Variants in ZC2HC1B observed in about 807,000 individuals in gnomAD.
ZC2HC1B encodes zinc finger C2HC-type containing 1B.
A neutral mutation model predicts 31.0 loss-of-function variants in ZC2HC1B; 36 were observed. The ratio of observed to expected loss-of-function variants is 1.16; its 90% CI spans 0.89 to 1.54. The LOEUF is 1.54. ZC2HC1B is among the 40% of genes most tolerant of loss of function. The probability of loss-of-function intolerance (pLI) is 0.00; values close to 1 mark genes in which losing one functional copy is unlikely to be tolerated. For synonymous variants in ZC2HC1B, 73 were observed against 88.0 expected (o/e 0.83, Z 0.95); for missense variants, 260 against 268.6 (o/e 0.97, Z 0.22).
rs369327466 is a variant in ZC2HC1B, at chr6:143,871,685, C to T, written c.28+7118C>T. On this transcript the variant is annotated intron_variant, in intron 1 of 7. Transcript: ENST00000237275. This position sits in a 1 kb window ranked among gnomAD's most constrained non-coding sequence, Gnocchi z 4.1. ...TCAAGTCCTTGATGGTGGTACTAAT[C>T]GCCACAGTCTCTGCAGGGATGTGAT... Among the ~76,000 whole-genome samples the T allele has an allele frequency of 5.3e-5, 8 of 152,320 alleles. No homozygotes were observed. The highest frequency in any genetic ancestry group is 3.9e-4 in the East Asian group (2 of 5,188).
Position 143,886,023 on chromosome 6 carries a change from G to A in ZC2HC1B, c.91-9G>A, listed in dbSNP as rs547049634. On this transcript the variant is annotated splice_polypyrimidine_tract_variant and intron_variant, in intron 2 of 7. Coordinates refer to ENST00000237275, the MANE Select transcript of ZC2HC1B (RefSeq NM_001013623.3). This position sits in a 1 kb window ranked among gnomAD's most constrained non-coding sequence, Gnocchi z 4.2. ...TTAGAAATTCCAATCCCTACTCTTC[G>A]TTTTCTAGGAAAGGCATGGACCAAT... 9.2e-6 allele frequency: 14 copies of A among 1,516,880 alleles called. No homozygotes were observed. Among genetic ancestry groups the A allele is most frequent in the Admixed American group, 2.4e-5 (1 of 42,424 alleles). The allele number at this position is 1,516,880 out of a possible 1,614,324, so 94.0% of individuals were successfully genotyped here. A position where few individuals can be genotyped will look rare whatever the true frequency, so the allele number is the denominator to read the frequency against.
rs999491333 is a variant in ZC2HC1B at position 143,875,655 on chromosome 6, C to T, written c.29-8649C>T. On this transcript the variant is annotated intron_variant, in intron 1 of 7. Transcript: ENST00000237275. ...AAAACAATTCTTTTCGAGTGTATCGCACCTCCTCATGGGTCACATTCTCAA... is the reference window on the plus strand; with the variant it reads ...AAAACAATTCTTTTCGAGTGTATCGTACCTCCTCATGGGTCACATTCTCAA... 7.3e-5 allele frequency among the ~76,000 whole-genome samples: 11 copies of T among 150,596 alleles called. 1 individual carries two copies. Among genetic ancestry groups the T allele is most frequent in the African/African-American group, 2.5e-4 (10 of 40,806 alleles).
intron 6 of ZC2HC1B, among the ~76,000 whole-genome samples, chr6:143,928,821 A>C (rs947600380): frequency 2.5e-5 from 2 of 79,550 alleles, no homozygotes; most frequent in African/African-American, 1.6e-4. Flanking sequence ...ATGTATTCCT[A>C]GGGTTTTTTT....
chr6:143,866,334 C>T (rs941726595), intron 1 of ZC2HC1B, among the ~76,000 whole-genome samples: 4 of 152,202 alleles, frequency 2.6e-5, no homozygotes, highest in South Asian at 2.1e-4. Context: ...TTCCATTAGC[C>T]CACAGTTGTG....
In ZC2HC1B at chr6:143,922,411, A is replaced by G. The variant is rs1463209967; in HGVS notation, c.599-15238A>G. 1.3e-5 allele frequency among the ~76,000 whole-genome samples: 2 copies of G among 152,330 alleles called. No homozygotes were observed. The highest frequency in any genetic ancestry group is 6.5e-5 in the Admixed American group (1 of 15,302). The stretch of plus-strand genomic sequence containing the variant: ...TCACCCTACTGTGCTATCAAACACT[A>G]GAACTTATTCTTTCTATCTAACTGT... On this transcript the variant is annotated intron_variant, in intron 6 of 7. Transcript: ENST00000237275. The surrounding 1 kb of genome is among the most constrained non-coding windows in gnomAD (Gnocchi z 5.0).
rs2128496408 is a variant in ZC2HC1B at position 143,915,717 on chromosome 6, G to T, written c.598+12565G>T. ...CTTGTTATGTTTTAGCAAAGAGACT[G>T]GTGGCATTTTGCCCCTGCCATAGAG... On this transcript the variant is annotated intron_variant, in intron 6 of 7. Transcript: ENST00000237275. The surrounding 1 kb of genome is among the most constrained non-coding windows in gnomAD (Gnocchi z 5.2). 6.6e-6 allele frequency among the ~76,000 whole-genome samples: 1 copy of T among 152,312 alleles called. No homozygotes were observed. The highest frequency in any genetic ancestry group is 2.4e-5 in the African/African-American group (1 of 41,562).
At chr6:143,902,464 T>C (rs1312639516) in intron 5 of ZC2HC1B, among the ~76,000 whole-genome samples, 1 of 152,122 alleles carries the variant, frequency 6.6e-6, no homozygotes, top group African/African-American at 2.4e-5. Context: ...AGGTTATCTT[T>C]ATCCTGCAGT....
chr6:143,886,899 A>G lies in ZC2HC1B; in HGVS notation c.349+78A>G. ...TCATCATGCCCTCTATGCACTCTGA[A>G]ATTGACAATAACAATTACATAGAAG... is the stretch of plus-strand genomic sequence containing the variant. On this transcript the variant is annotated intron_variant, in intron 4 of 7. Transcript: ENST00000237275. This position sits in a 1 kb window ranked among gnomAD's most constrained non-coding sequence, Gnocchi z 4.2. The G allele has an allele frequency of 1.6e-6, 2 of 1,237,036 alleles. No individual in the cohort carries two copies. Among genetic ancestry groups the G allele is most frequent in the Non-Finnish European group, 2.1e-6 (2 of 950,408 alleles). 76.6% of individuals were successfully genotyped at this position (1,237,036 alleles called of 1,614,324 possible). A position where few individuals can be genotyped will look rare whatever the true frequency, so the allele number is the denominator to read the frequency against.
intron 6 of ZC2HC1B, among the ~76,000 whole-genome samples, chr6:143,909,498 T>A (rs2207263): frequency 0.67 from 101,711 of 150,902 alleles, 35,268 homozygotes; most frequent in African/African-American, 0.84. Context: ...TACCTTTAGT[T>A]GAATTCATCT....
intron 6 of ZC2HC1B, among the ~76,000 whole-genome samples, chr6:143,927,879 G>T (rs888371271): frequency 6.6e-6 from 1 of 152,176 alleles, no homozygotes; most frequent in Non-Finnish European, 1.5e-5. Context: ...GCATTTCTCT[G>T]ATGATTAGTG....
At chr6:143,873,223 A>G (rs547888255) in intron 1 of ZC2HC1B, among the ~76,000 whole-genome samples, 2 of 152,362 alleles carry the variant, frequency 1.3e-5, no homozygotes, top group African/African-American at 4.8e-5. Flanking sequence ...TTACAGTTCC[A>G]AAATGATCTC....
rs538145711 is a variant in ZC2HC1B, at chr6:143,899,787, G to A, written c.489+1096G>A. Among the ~76,000 whole-genome samples, 12 of 152,308 alleles carry A rather than the reference G, an allele frequency of 7.9e-5. No individual in the cohort carries two copies. In the East Asian group the frequency reaches 2.3e-3, roughly 29 times the overall value. On this transcript the variant is annotated intron_variant, in intron 5 of 7. Coordinates refer to ENST00000237275, the MANE Select transcript of ZC2HC1B (RefSeq NM_001013623.3). This position sits in a 1 kb window ranked among gnomAD's most constrained non-coding sequence, Gnocchi z 5.0. ...TGGATCCTGAGCGCTATCCCCTTAA[G>A]CATTAGAAGGTTATTGACTATCAAC... is the stretch of plus-strand genomic sequence containing the variant.
chr6:143,929,985 T>C (rs1197417659), intron 6 of ZC2HC1B, among the ~76,000 whole-genome samples: 1 of 152,190 alleles, frequency 6.6e-6, no homozygotes, highest in Non-Finnish European at 1.5e-5. Context: ...CTTTCTTCCT[T>C]CCTAGGTTAG....
chr6:143,870,561 A>G lies in ZC2HC1B; in HGVS notation c.28+5994A>G, dbSNP rs1260059446. 3.9e-5 allele frequency among the ~76,000 whole-genome samples: 6 copies of G among 152,150 alleles called. No individual in the cohort carries two copies. Among genetic ancestry groups the G allele is most frequent in the Admixed American group, 3.3e-4 (5 of 15,264 alleles). The stretch of plus-strand genomic sequence containing the variant: ...CATTTGATGATGGATGCTGCTGTGC[A>G]TGACCCACTTTATGGCTAGATGGGT... On this transcript the variant is annotated intron_variant, in intron 1 of 7. Coordinates refer to ENST00000237275, the MANE Select transcript of ZC2HC1B (RefSeq NM_001013623.3). This position sits in a 1 kb window ranked among gnomAD's most constrained non-coding sequence, Gnocchi z 4.7.
chr6:143,889,349 C>T (rs924100085), intron 4 of ZC2HC1B, among the ~76,000 whole-genome samples: 7 of 152,022 alleles, frequency 4.6e-5, no homozygotes, highest in Non-Finnish European at 7.4e-5. Flanking sequence ...TTAAACCTAA[C>T]CATATGCATA....
chr6:143,910,685 T>A (rs1437971349), intron 6 of ZC2HC1B, among the ~76,000 whole-genome samples: 1 of 152,186 alleles, frequency 6.6e-6, no homozygotes, highest in Non-Finnish European at 1.5e-5. Context: ...AGTAAGCTCT[T>A]CTTGTTGAAT....
At position 143,872,153 on chromosome 6, in the gene ZC2HC1B, T is replaced by C. The variant is rs1777348919; in HGVS notation, c.28+7586T>C. On this transcript the variant is annotated intron_variant, in intron 1 of 7. Coordinates refer to ENST00000237275, the MANE Select transcript of ZC2HC1B (RefSeq NM_001013623.3). This position sits in a 1 kb window ranked among gnomAD's most constrained non-coding sequence, Gnocchi z 5.5. ...AAAGATTAACAGCATAAATTGTCAG[T>C]AGTGTAATGGAGTCCTTTTTCAAGG... 6.6e-6 allele frequency among the ~76,000 whole-genome samples: 1 copy of C among 152,134 alleles called. No homozygotes were observed. The highest frequency in any genetic ancestry group is 1.5e-5 in the Non-Finnish European group (1 of 68,020).
In ZC2HC1B at chr6:143,934,119, T is replaced by C. The variant is rs1049100621; in HGVS notation, c.599-3530T>C. Among the ~76,000 whole-genome samples, 13 of 152,232 alleles carry C rather than the reference T, an allele frequency of 8.5e-5. No individual in the cohort carries two copies. The highest frequency in any genetic ancestry group is 1.9e-4 in the Non-Finnish European group (13 of 68,032). ...GTAAGGCTAAATTCTTCTCCCGTAA[T>C]CTGGATTTTTCAGGTTCCTCAGTGG... On this transcript the variant is annotated intron_variant, in intron 6 of 7. Coordinates refer to ENST00000237275, the MANE Select transcript of ZC2HC1B (RefSeq NM_001013623.3). The surrounding 1 kb of genome is among the most constrained non-coding windows in gnomAD (Gnocchi z 4.6).
intron 6 of ZC2HC1B, among the ~76,000 whole-genome samples, chr6:143,935,513 CTT>C (rs954927318): frequency 2.0e-5 from 3 of 150,628 alleles, no homozygotes; most frequent in African/African-American, 7.3e-5. Context: ...TCATAAGGGT[CTT>C]TTTTTTTCTT....
Sources: allele counts gnomAD v4.1 joint callset (sites outside exome capture counted in the v4.1 genomes callset), GRCh38; gene constraint gnomAD v4.1.1; non-coding constraint Gnocchi (gnomAD v3.1); transcripts MANE v1.5; gene names NCBI Gene and HGNC (gene_info 2026-07-23, HGNC 2026-07-21).